ADGRD1: variants seen among roughly 807,000 people sequenced by gnomAD.
The protein encoded by ADGRD1 is G-protein coupled receptor 133.
Under a neutral mutation model 113.4 loss-of-function variants are expected in ADGRD1, and 77 were observed. That is an observed-to-expected ratio of 0.68 (90% CI 0.57 to 0.82). The LOEUF (loss-of-function observed/expected upper bound fraction) is 0.82, where lower values mean the gene tolerates loss of function less well. Ranked by LOEUF, ADGRD1 falls within the 40% of genes least tolerant of loss-of-function variation. The pLI is 0.00. For synonymous variants in ADGRD1, 474 were observed against 475.0 expected, an observed-to-expected ratio of 1.00 and a Z score of 0.03; for missense variants, 1,036 against 1,139.1, an observed-to-expected ratio of 0.91 and a Z score of 1.30.
chr12:131,015,329 G>A (rs1878427618), intron 13 of ADGRD1, among the ~76,000 whole-genome samples: 1 of 152,172 alleles, frequency 6.6e-6, no homozygotes, highest in African/African-American at 2.4e-5. Context: ...GGGGACTGGA[G>A]ATGGAGGTGC....
chr12:131,100,607 G>T (rs995534599), intron 15 of ADGRD1, among the ~76,000 whole-genome samples: 2 of 152,218 alleles, frequency 1.3e-5, no homozygotes, highest in African/African-American at 4.8e-5. Context: ...TAATGGGTTG[G>T]TTGATGGCAT....
At chr12:131,135,274 C>T (rs922909823) in intron 21 of ADGRD1, among the ~76,000 whole-genome samples, 1 of 152,166 alleles carries the variant, frequency 6.6e-6, no homozygotes, top group African/African-American at 2.4e-5. Flanking sequence ...GGCTGTGGGG[C>T]CTCAGTTTCC....
chr12:131,136,844 C>A (rs1951100219), intron 22 of ADGRD1, 129 bp from the exon 23 acceptor site: 1 of 797,956 alleles, frequency 1.3e-6, no homozygotes, highest in Non-Finnish European at 2.2e-6. Flanking sequence ...TCACGGGCCC[C>A]AGGTCATGGG....
intron 23 of ADGRD1, 110 bp downstream of exon 23, chr12:131,137,124 A>C (rs1000838141): frequency 5.6e-6 from 5 of 899,626 alleles, no homozygotes; most frequent in African/African-American, 1.6e-5. Flanking sequence ...CTGGGACTCA[A>C]ATCCTGAGCC....
chr12:131,014,167 C>T (rs1878272410), intron 12 of ADGRD1, 32 bp from the exon 13 acceptor site: 2 of 1,606,884 alleles, frequency 1.2e-6, no homozygotes, highest in Non-Finnish European at 1.7e-6. Context: ...CCTGCGTTTC[C>T]CATTTTGTAA....
intron 20 of ADGRD1, among the ~76,000 whole-genome samples, chr12:131,127,025 C>G (rs956617040): frequency 6.7e-6 from 1 of 150,152 alleles, no homozygotes; most frequent in African/African-American, 2.5e-5. Flanking sequence ...CATGGTGAGC[C>G]GCTCCTCCTC....
At chr12:131,136,498 T>C (rs1164660314) in intron 22 of ADGRD1, among the ~76,000 whole-genome samples, 1 of 152,202 alleles carries the variant, frequency 6.6e-6, no homozygotes, top group Admixed American at 6.5e-5. Flanking sequence ...TGCTGCCCTC[T>C]GTGTGAAGGG....
At position 130,966,112 on chromosome 12, in the gene ADGRD1, T is replaced by C. The variant is rs919483619; in HGVS notation, c.104-351T>C. On this transcript the variant is annotated intron_variant, in intron 2 of 24. Transcript: ENST00000261654. This position sits in a 1 kb window ranked among gnomAD's most constrained non-coding sequence, Gnocchi z 4.6. ...TGCATTGATATTAACTCTAAAATAA[T>C]GGTAAATAACAGCGGGATATGGAAC... Among the ~76,000 whole-genome samples the C allele has an allele frequency of 2.0e-5, 3 of 152,220 alleles. No homozygotes were observed. The highest frequency in any genetic ancestry group is 4.8e-5 in the African/African-American group (2 of 41,454).
At chr12:130,958,212 T>G (rs1481063623) in intron 2 of ADGRD1, among the ~76,000 whole-genome samples, 1 of 135,254 alleles carries the variant, frequency 7.4e-6, no homozygotes. Flanking sequence ...CCTTTCTTTT[T>G]TTTTTGAGAC....
rs1464564593 is a variant in ADGRD1 at position 131,140,803 on chromosome 12, G to A, written c.*1540G>A. 1 of 152,252 alleles carries A rather than the reference G, an allele frequency of 6.6e-6. No individual in the cohort carries two copies. Among genetic ancestry groups the A allele is most frequent in the African/African-American group, 2.4e-5 (1 of 41,464 alleles). The allele number at this position is 152,252 out of a possible 1,614,324, so 9.4% of individuals were successfully genotyped here. On this transcript the variant is annotated 3_prime_UTR_variant, in exon 25 of 25. Transcript: ENST00000261654. The stretch of plus-strand genomic sequence containing the variant: ...GGCAGGGAGCAGCATGTCTGCAGGG[G>A]TGAACCTTTGCTCTTCTGTCAGGCG...
At chr12:131,065,068 A>G (rs1884608414) in intron 13 of ADGRD1, among the ~76,000 whole-genome samples, 1 of 151,772 alleles carries the variant, frequency 6.6e-6, no homozygotes. Context: ...TCCCTTCTCC[A>G]CTCTCAGAAG....
chr12:130,994,474 C>T (rs1216129630), intron 8 of ADGRD1, among the ~76,000 whole-genome samples: 1 of 152,174 alleles, frequency 6.6e-6, no homozygotes, highest in Non-Finnish European at 1.5e-5. Flanking sequence ...GGTACACAGT[C>T]GGCGCTCAAT....
chr12:131,118,485 C>G (rs370456748), intron 19 of ADGRD1, 34 bp downstream of exon 19: 1 of 1,531,660 alleles, frequency 6.5e-7, no homozygotes, highest in African/African-American at 1.4e-5. Flanking sequence ...TTTTGGCAGG[C>G]GTTCCATGGA....
Position 131,004,170 on chromosome 12 carries a change from G to A in ADGRD1, c.1145-16G>A, listed in dbSNP as rs368202319. ...GCTCTGACGGGACTTCCGCTCTCTC[G>A]CTCCTTCCACCGCAGAGTTTTCCGT... is the stretch of plus-strand genomic sequence containing the variant. On this transcript the variant is annotated splice_polypyrimidine_tract_variant and intron_variant, in intron 10 of 24. Transcript: ENST00000261654. 42 of 1,541,902 alleles carry A rather than the reference G, an allele frequency of 2.7e-5. No individual in the cohort carries two copies. In the African/African-American group the frequency reaches 4.0e-4, roughly 15 times the overall value.
At chr12:131,094,587 C>T (rs1008069632) in intron 15 of ADGRD1, among the ~76,000 whole-genome samples, 1 of 152,080 alleles carries the variant, frequency 6.6e-6, no homozygotes, top group Admixed American at 6.5e-5. Flanking sequence ...GCAGCGCCCC[C>T]CCGACTCCCC....
intron 6 of ADGRD1, 70 bp downstream of exon 6, chr12:130,987,419 T>G: frequency 6.4e-7 from 1 of 1,560,692 alleles, no homozygotes; most frequent in Non-Finnish European, 8.8e-7. Flanking sequence ...TCGGCCTCCT[T>G]TCTCCCCACT....
Position 131,046,031 on chromosome 12 carries a change from G to T in ADGRD1, c.1474-30770G>T, listed in dbSNP as rs117451356. 4.9e-3 allele frequency among the ~76,000 whole-genome samples: 723 copies of T among 147,972 alleles called. 11 individuals carry two copies. The highest frequency in any genetic ancestry group is 0.031 in the East Asian group (151 of 4,922). On this transcript the variant is annotated intron_variant, in intron 13 of 24. Coordinates refer to ENST00000261654, the MANE Select transcript of ADGRD1 (RefSeq NM_198827.5). ...CCCTGGTGAGTGTCCTCCCTGGTCA[G>T]TGTCCTCCCTGGTCAGCACTTCTCC...
At chr12:131,131,982 G>A (rs542431695) in intron 21 of ADGRD1, among the ~76,000 whole-genome samples, 166 bp downstream of exon 21, 3 of 152,282 alleles carry the variant, frequency 2.0e-5, no homozygotes, top group South Asian at 2.1e-4. Context: ...TCACGCCCTC[G>A]CTTGGCTCTC....
intron 13 of ADGRD1, chr12:131,070,254 C>G (rs922892698): frequency 1.7e-4 from 26 of 152,918 alleles, no homozygotes; most frequent in African/African-American, 6.3e-4. Context: ...GAGACTCCAG[C>G]ATTCTAGGGG....
Sources: allele counts gnomAD v4.1 joint callset (sites outside exome capture counted in the v4.1 genomes callset), GRCh38; gene constraint gnomAD v4.1.1; non-coding constraint Gnocchi (gnomAD v3.1); transcripts MANE v1.5; gene names NCBI Gene and HGNC (gene_info 2026-07-23, HGNC 2026-07-21).